The following TTC13 variants were observed in gnomAD, a reference collection of about 807,000 sequenced individuals.
TTC13 encodes tetratricopeptide repeat protein 13.
In TTC13, 62 loss-of-function variants were observed where a neutral mutation model predicts 120.0. That is an observed-to-expected ratio of 0.52 (90% CI 0.42 to 0.64). The LOEUF is 0.64. Among genes scored for constraint, TTC13 ranks in the 30% least tolerant of loss-of-function variants. The pLI is 0.00. For synonymous variants in TTC13, 384 were observed against 393.5 expected, an observed-to-expected ratio of 0.98 and a Z score of 0.28; for missense variants, 824 against 1,050.2, an observed-to-expected ratio of 0.78 and a Z score of 2.98.
intron 3 of TTC13, among the ~76,000 whole-genome samples, chr1:230,957,605 A>G (rs918093443): frequency 1.3e-5 from 2 of 152,210 alleles, no homozygotes; most frequent in Non-Finnish European, 2.9e-5. Flanking sequence ...GCCCAGTTGC[A>G]CTGCTCAGCC....
chr1:230,907,047 C>A, intron 22 of TTC13, 28 bp from the exon 23 acceptor site: 1 of 1,244,678 alleles, frequency 8.0e-7, no homozygotes. Flanking sequence ...AAAGTAGCGG[C>A]ATGAAAATTA....
chr1:230,908,467 G>C (rs533771600), intron 22 of TTC13: 2 of 537,716 alleles, frequency 3.7e-6, no homozygotes, highest in Non-Finnish European at 3.5e-6. Flanking sequence ...TGGGATTACA[G>C]GTATGAGCTA....
At chr1:230,961,059 G>T in intron 2 of TTC13, 150 bp downstream of exon 2, 1 of 589,170 alleles carries the variant, frequency 1.7e-6, no homozygotes, top group Non-Finnish European at 3.0e-6. Context: ...ATAATTCAAT[G>T]TGGCAAAATA....
At chr1:230,971,511 G>A (rs1026549357) in intron 1 of TTC13, among the ~76,000 whole-genome samples, 10 of 151,980 alleles carry the variant, frequency 6.6e-5, no homozygotes, top group African/African-American at 1.7e-4. Context: ...AATATTCATC[G>A]GTACCTGAGA....
At chr1:230,945,527 G>T (rs529007521) in intron 4 of TTC13, 73 bp from the exon 5 acceptor site, 2 of 1,347,284 alleles carry the variant, frequency 1.5e-6, no homozygotes, top group African/African-American at 1.4e-5. Context: ...TCTGCTTAAA[G>T]CACGTTAATG....
chr1:230,940,686 AC>A lies in TTC13; in HGVS notation c.673-131del. ...TACTCTCAGCAGGCTGCAATCCTTG[AC>A]CCCCTATATTATGCGGTGGGGTTCA... On this transcript the variant is annotated intron_variant, in intron 6 of 22. Coordinates refer to ENST00000366661, the MANE Select transcript of TTC13 (RefSeq NM_024525.5). This position sits in a 1 kb window ranked among gnomAD's most constrained non-coding sequence, Gnocchi z 4.1. 1 of 649,776 alleles carries A rather than the reference AC, an allele frequency of 1.5e-6. No homozygotes were observed. Among genetic ancestry groups the A allele is most frequent in the Admixed American group, 2.2e-5 (1 of 45,396 alleles). The allele number at this position is 649,776 out of a possible 1,614,324, so 40.3% of individuals were successfully genotyped here. A position where few individuals can be genotyped will look rare whatever the true frequency, so the allele number is the denominator to read the frequency against.
chr1:230,920,618 G>A (rs1672497193), intron 16 of TTC13, 24 bp from the exon 17 acceptor site: 2 of 1,375,298 alleles, frequency 1.5e-6, no homozygotes, highest in African/African-American at 1.5e-5. Context: ...AGAGAGAGAT[G>A]GCAACTGAGA....
intron 1 of TTC13, among the ~76,000 whole-genome samples, chr1:230,963,671 T>TAAATAAATAAAG (rs781569617): frequency 9.1e-6 from 1 of 109,812 alleles, no homozygotes; most frequent in Admixed American, 9.6e-5. Flanking sequence ...AATAAATAAA[T>TAAATAAATAAAG]AAAAGAAAAA....
In TTC13 at chr1:230,961,269, G is replaced by C; in HGVS notation, c.306C>G (p.Cys102Trp). 1.2e-6 allele frequency: 2 copies of C among 1,613,886 alleles called. No individual in the cohort carries two copies. The highest frequency in any genetic ancestry group is 1.7e-6 in the Non-Finnish European group (2 of 1,179,888). The change falls in exon 2 of 23, where the codon TGC (cysteine) becomes TGG (tryptophan). Residue 102 changes from cysteine to tryptophan, a missense_variant. Cys to Trp is a radical substitution (Grantham distance 215). Around this residue, in one of 4 missense-constraint regions of TTC13, gnomAD observed 160 missense variants for 137.2 expected, o/e 1.17. Transcript: ENST00000366661. The part of the protein sequence containing the change: ...SSFLNFHDSD[C>W]EPKGSSPCDS... ...CACAGGGTGATGATCCCTTGGGTTC[G>C]CAGTCTGAGTCATGGAAGTTCAAAA...
At chr1:230,946,368 G>A (rs529757143) in intron 4 of TTC13, among the ~76,000 whole-genome samples, 117 of 152,262 alleles carry the variant, frequency 7.7e-4, no homozygotes, top group African/African-American at 2.6e-3. Context: ...ATCTGAGCTA[G>A]GGTATCTGCC....
chr1:230,962,157 C>A (rs1676694835), intron 1 of TTC13, among the ~76,000 whole-genome samples: 1 of 151,844 alleles, frequency 6.6e-6, no homozygotes, highest in Non-Finnish European at 1.5e-5. Context: ...TTGCCGTGAG[C>A]CGAGACTGTG....
intron 4 of TTC13, among the ~76,000 whole-genome samples, chr1:230,945,705 A>C (rs945019013): frequency 6.6e-6 from 1 of 152,208 alleles, no homozygotes; most frequent in Non-Finnish European, 1.5e-5. Context: ...ACGCAGAAAC[A>C]TGCTGGTTTC....
chr1:230,931,840 G>A lies in TTC13; in HGVS notation c.1021C>T (p.Gln341Ter). 6.2e-7 allele frequency: 1 copy of A among 1,614,164 alleles called. No individual in the cohort carries two copies. Among genetic ancestry groups the A allele is most frequent in the Non-Finnish European group, 8.5e-7 (1 of 1,180,030 alleles). ...GNFEAATESFQKALLLNQNHV... is the reference protein window; with the variant it reads ...GNFEAATESF ...TTTTGGTTGAGCAACAGTGCCTTTTGAAAGCTCTCAGTGGCTGCTTCAAAA... is the reference window on the plus strand; with the variant it reads ...TTTTGGTTGAGCAACAGTGCCTTTTAAAAGCTCTCAGTGGCTGCTTCAAAA... Residue 341 changes from glutamine to a stop codon, truncating the protein, a stop_gained, in exon 10 of 23, where the codon CAA (glutamine) becomes TAA (stop). Coordinates refer to ENST00000366661, the MANE Select transcript of TTC13 (RefSeq NM_024525.5). LOFTEE classifies it high-confidence loss of function.
intron 17 of TTC13, among the ~76,000 whole-genome samples, chr1:230,917,094 C>T (rs946231366): frequency 6.6e-6 from 1 of 151,984 alleles, no homozygotes; most frequent in African/African-American, 2.4e-5. Flanking sequence ...GAAAGATGCA[C>T]CAGGTGTCAC....
chr1:230,968,051 C>CTCA (rs1572293424), intron 1 of TTC13, among the ~76,000 whole-genome samples: 1 of 152,298 alleles, frequency 6.6e-6, no homozygotes, highest in East Asian at 1.9e-4. Context: ...CTCATGGCCT[C>CTCA]TGGAGCTCTG....
At chr1:230,908,653 A>C in intron 22 of TTC13, 59 bp downstream of exon 22, 1 of 1,427,336 alleles carries the variant, frequency 7.0e-7, no homozygotes, top group Non-Finnish European at 9.8e-7. Context: ...AAGTAACAGG[A>C]AACTCCTTTT....
chr1:230,930,993 G>T (rs60327474), intron 11 of TTC13, among the ~76,000 whole-genome samples: 1,646 of 152,342 alleles, frequency 0.011, 30 homozygotes, highest in African/African-American at 0.037. Flanking sequence ...GATGAGATGT[G>T]ATGAGACACA....
chr1:230,942,839 A>G lies in TTC13; in HGVS notation c.672+967T>C, dbSNP rs9431608. The stretch of plus-strand genomic sequence containing the variant: ...CAGCTCTAGCCTCGCTTCCTCCGAC[A>G]GCCTCAGCAAACACTCCCAACATTC... On this transcript the variant is annotated intron_variant, in intron 6 of 22. Coordinates refer to ENST00000366661, the MANE Select transcript of TTC13 (RefSeq NM_024525.5). The surrounding 1 kb of genome is among the most constrained non-coding windows in gnomAD (Gnocchi z 4.0). 0.13 allele frequency among the ~76,000 whole-genome samples: 20,415 copies of G among 152,178 alleles called. 1,382 individuals carry two copies. Among genetic ancestry groups the G allele is most frequent in the Middle Eastern group, 0.16 (46 of 294 alleles).
At chr1:230,960,423 C>T (rs1676511395) in intron 2 of TTC13, among the ~76,000 whole-genome samples, 2 of 152,088 alleles carry the variant, frequency 1.3e-5, no homozygotes, top group South Asian at 4.1e-4. Context: ...CAAGACAGCC[C>T]CTTCTGATTT....
Sources: gnomAD v4.1 joint callset for allele counts (sites outside exome capture counted in the v4.1 genomes callset) on GRCh38, gnomAD v4.1.1 for gene constraint, gnomAD v4.1.1 regional missense constraint, Gnocchi (gnomAD v3.1) non-coding constraint, MANE v1.5 for transcripts, NCBI Gene and HGNC (gene_info 2026-07-23, HGNC 2026-07-21) for gene names.